Variants in PDE8B observed in about 807,000 individuals in gnomAD.
PDE8B encodes the protein high affinity cAMP-specific and IBMX-insensitive 3',5'-cyclic phosphodiesterase 8B.
In PDE8B, 26 loss-of-function variants were observed where a neutral mutation model predicts 101.3. That is an observed-to-expected ratio of 0.26 (90% CI 0.19 to 0.36). The LOEUF is 0.36. Ranked by LOEUF, PDE8B falls within the 10% of genes least tolerant of loss-of-function variation. The pLI is 1.00. For synonymous variants in PDE8B, 424 were observed against 429.3 expected (o/e 0.99, Z 0.15); for missense variants, 810 against 1,163.1 (o/e 0.70, Z 4.42).
At chr5:77,310,053 G>A (rs370298139) in intron 1 of PDE8B, among the ~76,000 whole-genome samples, 8 of 129,238 alleles carry the variant, frequency 6.2e-5, no homozygotes, top group Admixed American at 4.4e-4. Flanking sequence ...AGGTTCAAGC[G>A]ATTCTCCTGC....
At position 77,329,025 on chromosome 5, in the gene PDE8B, G is replaced by A. The variant is rs1231650877; in HGVS notation, c.618G>A (p.Glu206=). ...CGATCCGGGCCACAAATCCCTCCGA[G>A]CACACGGTGATCCTCGCAGTGGTTT... ...CRSIRATNPS[E]HTVILAVVSR... Residue 206 remains glutamate, a synonymous_variant, in exon 4 of 22, where the codon GAG becomes GAA. Coordinates refer to ENST00000264917, the MANE Select transcript of PDE8B (RefSeq NM_003719.5). 6.2e-7 allele frequency: 1 copy of A among 1,613,916 alleles called. No individual in the cohort carries two copies. The highest frequency in any genetic ancestry group is 2.2e-5 in the East Asian group (1 of 44,890).
chr5:77,425,054 G>A (rs889494425), intron 20 of PDE8B, among the ~76,000 whole-genome samples: 2 of 152,162 alleles, frequency 1.3e-5, no homozygotes, highest in African/African-American at 2.4e-5. Flanking sequence ...TATTAATACA[G>A]TTTGGTGCTA....
At chr5:77,420,002 G>A in intron 19 of PDE8B, 115 bp downstream of exon 19, 2 of 1,220,202 alleles carry the variant, frequency 1.6e-6, no homozygotes, top group Non-Finnish European at 2.4e-6. Flanking sequence ...TTTACTTGGA[G>A]TTGATAAAGG....
At position 77,395,361 on chromosome 5, in the gene PDE8B, C is replaced by T. The variant is rs866114759; in HGVS notation, c.1168-4887C>T. On this transcript the variant is annotated intron_variant, in intron 10 of 21. Coordinates refer to ENST00000264917, the MANE Select transcript of PDE8B (RefSeq NM_003719.5). ...CAATCTCCTGACCTCATGATCCGCCCGCCTCAGCCTCCCAAAGTGCTGGGA... is the reference window on the plus strand; with the variant it reads ...CAATCTCCTGACCTCATGATCCGCCTGCCTCAGCCTCCCAAAGTGCTGGGA... Among the ~76,000 whole-genome samples the T allele has an allele frequency of 2.5e-3, 379 of 151,556 alleles. 1 individual carries two copies. Among genetic ancestry groups the T allele is most frequent in the African/African-American group, 8.3e-3 (341 of 41,112 alleles).
upstream of PDE8B, among the ~76,000 whole-genome samples, chr5:77,210,132 T>C (rs1747927236): frequency 6.6e-6 from 1 of 152,016 alleles, no homozygotes; most frequent in South Asian, 2.1e-4. The surrounding 1 kb of genome is among the most constrained non-coding windows in gnomAD (Gnocchi z 4.9). Flanking sequence ...GGTGTTTAGC[T>C]CTGGGATGTG....
chr5:77,107,413 T>C, the PDE8B span, among the ~76,000 whole-genome samples: 587 of 152,364 alleles, frequency 3.9e-3, 3 homozygotes, highest in Non-Finnish European at 6.7e-3. Flanking sequence ...TAGTAGCTTT[T>C]TCTCCTCCAT....
the PDE8B span, among the ~76,000 whole-genome samples, chr5:77,152,690 C>T: frequency 6.6e-6 from 1 of 152,190 alleles, no homozygotes; most frequent in East Asian, 1.9e-4. Context: ...GGCAGCATGA[C>T]GCACACACCA....
intron 5 of PDE8B, among the ~76,000 whole-genome samples, chr5:77,336,362 G>T (rs967388658): frequency 7.9e-5 from 12 of 152,134 alleles, no homozygotes; most frequent in African/African-American, 2.9e-4. Context: ...TCCCAAATGT[G>T]TTCCCATTAA....
At position 77,400,235 on chromosome 5, in the gene PDE8B, T is replaced by G. The variant is rs1791971500; in HGVS notation, c.1168-13T>G. ...TCTTTCTCTTGTTTTATCAAACTTT[T>G]GAACGACTTTAGATTCACAAGATTC... is the stretch of plus-strand genomic sequence containing the variant. On this transcript the variant is annotated splice_polypyrimidine_tract_variant and intron_variant, in intron 10 of 21. Coordinates refer to ENST00000264917, the MANE Select transcript of PDE8B (RefSeq NM_003719.5). 6.3e-7 allele frequency: 1 copy of G among 1,583,252 alleles called. No individual in the cohort carries two copies. The highest frequency in any genetic ancestry group is 8.7e-7 in the Non-Finnish European group (1 of 1,151,896).
chr5:77,398,534 C>T (rs1791566321), intron 10 of PDE8B, among the ~76,000 whole-genome samples: 1 of 152,106 alleles, frequency 6.6e-6, no homozygotes, highest in African/African-American at 2.4e-5. Context: ...GTTGGCTAGG[C>T]TGGTCTTGAA....
chr5:77,191,456 C>T, the PDE8B span, among the ~76,000 whole-genome samples: 1 of 151,886 alleles, frequency 6.6e-6, no homozygotes, highest in Non-Finnish European at 1.5e-5. Context: ...GGGTTCATGC[C>T]ATTCTCCTGC....
chr5:77,172,818 G>A, the PDE8B span, among the ~76,000 whole-genome samples: 4 of 152,168 alleles, frequency 2.6e-5, no homozygotes, highest in Non-Finnish European at 5.9e-5. Flanking sequence ...TGTCGGAGTA[G>A]GTAAGTTGAG....
At chr5:77,354,432 T>C (rs1033293953) in intron 10 of PDE8B, among the ~76,000 whole-genome samples, 1 of 152,014 alleles carries the variant, frequency 6.6e-6, no homozygotes, top group Admixed American at 6.6e-5. Flanking sequence ...AAGAGGCAAG[T>C]CCTTGGAGAC....
At chr5:77,270,246 G>T (rs1762527486) in intron 1 of PDE8B, among the ~76,000 whole-genome samples, 1 of 151,910 alleles carries the variant, frequency 6.6e-6, no homozygotes. Flanking sequence ...ATTACTTTTT[G>T]ATTTTTACAC....
At chr5:77,330,597 G>A (rs1776935877) in intron 4 of PDE8B, among the ~76,000 whole-genome samples, 1 of 152,170 alleles carries the variant, frequency 6.6e-6, no homozygotes, top group Non-Finnish European at 1.5e-5. Flanking sequence ...ATCAGCTGTG[G>A]GTAATGCCAC....
the PDE8B span, among the ~76,000 whole-genome samples, chr5:77,198,176 C>G: frequency 6.6e-6 from 1 of 152,084 alleles, no homozygotes; most frequent in Non-Finnish European, 1.5e-5. Context: ...GCAGTATTTT[C>G]TCTAGGGATT....
chr5:77,280,004 C>T (rs1436087033), intron 1 of PDE8B, among the ~76,000 whole-genome samples: 5 of 152,234 alleles, frequency 3.3e-5, no homozygotes, highest in South Asian at 4.1e-4. Context: ...TGTCTCCCAC[C>T]TGGGCCAGCT....
In PDE8B at chr5:77,254,780, T is replaced by G. The variant is rs576387171; in HGVS notation, c.339+43516T>G. Reference sequence around the variant, plus strand: ...TTTCTGTTCTTCTTGAAATGTCTTATGTTTTCCTGGATGGACCAGTAATAG... The same window carrying G: ...TTTCTGTTCTTCTTGAAATGTCTTAGGTTTTCCTGGATGGACCAGTAATAG... On this transcript the variant is annotated intron_variant, in intron 1 of 21. Coordinates refer to ENST00000264917, the MANE Select transcript of PDE8B (RefSeq NM_003719.5). Among the ~76,000 whole-genome samples, 7 of 152,368 alleles carry G rather than the reference T, an allele frequency of 4.6e-5. No homozygotes were observed. The East Asian group carries it at 1.3e-3, about 29-fold the overall frequency.
At chr5:77,423,697 T>G (rs1797257752) in intron 20 of PDE8B, among the ~76,000 whole-genome samples, 1 of 133,938 alleles carries the variant, frequency 7.5e-6, no homozygotes, top group Admixed American at 8.9e-5. Context: ...TGGAGTGCAG[T>G]GGCATGACCT....
Sources: allele counts gnomAD v4.1 joint callset (sites outside exome capture counted in the v4.1 genomes callset), GRCh38; gene constraint gnomAD v4.1.1; non-coding constraint Gnocchi (gnomAD v3.1); transcripts MANE v1.5; gene names NCBI Gene and HGNC (gene_info 2026-07-23, HGNC 2026-07-21).